Variants in GALNT17 observed in about 807,000 individuals in gnomAD.
The protein encoded by GALNT17 is polypeptide N-acetylgalactosaminyltransferase 17.
GALNT17 carries 29 observed loss-of-function variants against 63.7 expected under a neutral mutation model. The ratio of observed to expected loss-of-function variants is 0.46; its 90% CI spans 0.34 to 0.62. The LOEUF is 0.62. Among genes scored for constraint, GALNT17 ranks in the 20% least tolerant of loss-of-function variants. The pLI, the probability that GALNT17 is intolerant of heterozygous loss-of-function variation, is 0.01. For synonymous variants in GALNT17, 305 were observed against 318.3 expected (o/e 0.96, Z 0.45); for missense variants, 603 against 799.6 (o/e 0.75, Z 2.97).
chr7:71,378,430 G>A (rs897170679), intron 2 of GALNT17, among the ~76,000 whole-genome samples: 1 of 152,086 alleles, frequency 6.6e-6, no homozygotes, highest in East Asian at 1.9e-4. Context: ...AGGGAAAATT[G>A]GGCTGGTTAA....
chr7:71,631,963 G>A (rs1444622800), intron 6 of GALNT17, among the ~76,000 whole-genome samples: 1 of 151,878 alleles, frequency 6.6e-6, no homozygotes, highest in Non-Finnish European at 1.5e-5. Flanking sequence ...GCCCAGGCTG[G>A]TCTCAAACTC....
At chr7:71,210,579 A>G (rs1194470614) in intron 1 of GALNT17, among the ~76,000 whole-genome samples, 1 of 152,230 alleles carries the variant, frequency 6.6e-6, no homozygotes, top group South Asian at 2.1e-4. Context: ...AATTTAACTA[A>G]TAAGTAACTC....
intron 6 of GALNT17, among the ~76,000 whole-genome samples, chr7:71,583,051 G>A (rs1222033415): frequency 1.3e-5 from 2 of 152,070 alleles, no homozygotes; most frequent in East Asian, 3.9e-4. Context: ...TAATTTTGGG[G>A]AAAATTAGTT....
At chr7:71,151,163 C>T (rs1199717384) in intron 1 of GALNT17, among the ~76,000 whole-genome samples, 1 of 152,112 alleles carries the variant, frequency 6.6e-6, no homozygotes, top group African/African-American at 2.4e-5. Context: ...AGGTAACTAC[C>T]TAAGTGACAG....
At chr7:71,456,878 C>T (rs1283968589) in intron 5 of GALNT17, among the ~76,000 whole-genome samples, 4 of 152,114 alleles carry the variant, frequency 2.6e-5, no homozygotes, top group South Asian at 2.1e-4. Context: ...GAGATGGAGA[C>T]GTGAGACATC....
intron 5 of GALNT17, among the ~76,000 whole-genome samples, chr7:71,505,553 T>C (rs559191396): frequency 1.8e-4 from 27 of 152,296 alleles, no homozygotes; most frequent in Middle Eastern, 6.8e-3. Flanking sequence ...TGAGCCATGA[T>C]CTTGCCACTG....
At chr7:71,188,513 G>A (rs2116331819) in intron 1 of GALNT17, among the ~76,000 whole-genome samples, 1 of 152,110 alleles carries the variant, frequency 6.6e-6, no homozygotes, top group East Asian at 1.9e-4. Context: ...ATGTCTGTTG[G>A]CCATTTGTAT....
At chr7:71,692,800 G>A (rs150314743) in intron 9 of GALNT17, among the ~76,000 whole-genome samples, 210 of 150,352 alleles carry the variant, frequency 1.4e-3, no homozygotes, top group African/African-American at 4.9e-3. Flanking sequence ...GTGCAGTGGC[G>A]TGATCTCAGC....
intron 1 of GALNT17, among the ~76,000 whole-genome samples, chr7:71,139,121 A>C (rs1398292379): frequency 6.6e-6 from 1 of 152,154 alleles, no homozygotes; most frequent in African/African-American, 2.4e-5. Context: ...TAGAGGTGAG[A>C]AAGGTGAGAA....
At chr7:71,435,626 G>C (rs1457486841) in intron 5 of GALNT17, among the ~76,000 whole-genome samples, 2 of 152,076 alleles carry the variant, frequency 1.3e-5, no homozygotes, top group Non-Finnish European at 2.9e-5. Context: ...AACTGACTCA[G>C]CGCAAGAGGA....
intron 1 of GALNT17, among the ~76,000 whole-genome samples, chr7:71,293,705 G>A (rs1791025105): frequency 1.3e-5 from 2 of 152,052 alleles, no homozygotes; most frequent in South Asian, 2.1e-4. Flanking sequence ...AGCTTTGCAG[G>A]GTATAGTGTT....
At chr7:71,508,647 A>C (rs1788304226) in intron 5 of GALNT17, among the ~76,000 whole-genome samples, 1 of 152,114 alleles carries the variant, frequency 6.6e-6, no homozygotes, top group Admixed American at 6.6e-5. Flanking sequence ...CCTCGCCGGC[A>C]CCAGCTCTGA....
intron 1 of GALNT17, among the ~76,000 whole-genome samples, chr7:71,322,183 G>A (rs1330744780): frequency 6.6e-6 from 1 of 151,636 alleles, no homozygotes; most frequent in African/African-American, 2.4e-5. Flanking sequence ...CTAACTTCTA[G>A]CCTCAAGCAG....
intron 5 of GALNT17, among the ~76,000 whole-genome samples, chr7:71,475,081 G>A (rs1787701377): frequency 6.6e-6 from 1 of 152,132 alleles, no homozygotes; most frequent in African/African-American, 2.4e-5. Flanking sequence ...CCTTGATTTT[G>A]TTCCCCAGTG....
rs564744520 is a variant in GALNT17, at chr7:71,289,456, C to T, written c.239-46094C>T. On this transcript the variant is annotated intron_variant, in intron 1 of 10. Transcript: ENST00000333538. ...AAGTTCACATAACATCAGATTCATG[C>T]CAGTGCTGTCACCTCATGCCTGTAA... Among the ~76,000 whole-genome samples, 4 of 152,194 alleles carry T rather than the reference C, an allele frequency of 2.6e-5. No homozygotes were observed. In the East Asian group the frequency reaches 5.8e-4, roughly 22 times the overall value.
intron 1 of GALNT17, among the ~76,000 whole-genome samples, chr7:71,251,825 T>C (rs935052977): frequency 6.6e-5 from 10 of 152,218 alleles, no homozygotes; most frequent in Non-Finnish European, 1.0e-4. Context: ...CCTGTGAGGT[T>C]GCAGCTTGTG....
At chr7:71,306,490 G>A (rs554762692) in intron 1 of GALNT17, among the ~76,000 whole-genome samples, 3 of 151,834 alleles carry the variant, frequency 2.0e-5, no homozygotes, top group South Asian at 2.1e-4. Context: ...TACAGTAATT[G>A]TCCTTTTGTG....
intron 6 of GALNT17, among the ~76,000 whole-genome samples, chr7:71,609,520 A>G (rs1482486926): frequency 6.6e-6 from 1 of 151,700 alleles, no homozygotes; most frequent in African/African-American, 2.4e-5. Flanking sequence ...GAGAGAAATA[A>G]TTTTTTTCAT....
At chr7:71,376,429 T>G (rs1042232367) in intron 2 of GALNT17, among the ~76,000 whole-genome samples, 2 of 56,494 alleles carry the variant, frequency 3.5e-5, no homozygotes, top group East Asian at 2.5e-4. Context: ...GGAGTTGTTT[T>G]TTTTTTTTTT....
Sources: gnomAD v4.1 joint callset for allele counts (sites outside exome capture counted in the v4.1 genomes callset) on GRCh38, gnomAD v4.1.1 for gene constraint, MANE v1.5 for transcripts, NCBI Gene and HGNC (gene_info 2026-07-23, HGNC 2026-07-21) for gene names.